FLRT1: variants seen among roughly 807,000 people sequenced by gnomAD.
FLRT1 encodes leucine-rich repeat transmembrane protein FLRT1.
A neutral mutation model predicts 30.9 loss-of-function variants in FLRT1; 14 were observed. The observed-to-expected ratio is 0.45, with a 90% confidence interval of 0.30 to 0.71. The LOEUF (loss-of-function observed/expected upper bound fraction) is 0.71. Ranked by LOEUF, FLRT1 falls within the 30% of genes least tolerant of loss-of-function variation. The probability of loss-of-function intolerance (pLI) is 0.08; values close to 1 mark genes in which losing one functional copy is unlikely to be tolerated. For missense variants in FLRT1, 737 were observed against 949.2 expected (o/e 0.78, Z 2.94); for synonymous variants, 368 against 430.4 (o/e 0.85, Z 1.80).
At chr11:64,056,482 A>G (rs1467648912) in intron 1 of FLRT1, among the ~76,000 whole-genome samples, 7 of 152,210 alleles carry the variant, frequency 4.6e-5, no homozygotes, top group Non-Finnish European at 1.0e-4. Flanking sequence ...AGGAGGCTGT[A>G]CTAGAGAGAA....
chr11:64,042,182 ACT>A (rs1407573297), intron 1 of FLRT1, among the ~76,000 whole-genome samples: 1 of 151,832 alleles, frequency 6.6e-6, no homozygotes, highest in East Asian at 1.9e-4. Flanking sequence ...TCATGCACAC[ACT>A]CTTGCACACA....
intron 1 of FLRT1, among the ~76,000 whole-genome samples, chr11:64,043,607 T>A (rs1486051012): frequency 6.6e-6 from 1 of 152,106 alleles, no homozygotes; most frequent in Non-Finnish European, 1.5e-5. Context: ...GGGGCTCAAA[T>A]GTCACCTTCT....
Position 64,118,266 on chromosome 11 carries a change from C to T in FLRT1, c.1999C>T (p.Pro667Ser), listed in dbSNP as rs771799567. ...TTRGYRDGGI[P>S]DIDYSYT The stretch of plus-strand genomic sequence containing the variant: ...GCGGGGCTACCGGGACGGCGGCATC[C>T]CCGACATAGACTACTCCTACACATG... The change falls in exon 3 of 3, where the codon CCC becomes TCC. Residue 667 changes from proline to serine, a missense_variant. By Grantham distance (74) the Pro-to-Ser change is moderately conservative. Transcript: ENST00000682287. 32 of 1,591,370 alleles carry T rather than the reference C, an allele frequency of 2.0e-5. 1 individual carries two copies. The South Asian group carries it at 3.5e-4, about 17-fold the overall frequency.
intron 1 of FLRT1, among the ~76,000 whole-genome samples, chr11:64,049,240 C>G (rs1021986633): frequency 6.6e-6 from 1 of 152,150 alleles, no homozygotes; most frequent in African/African-American, 2.4e-5. Context: ...TTTGTTAACA[C>G]CCCATTGTGT....
chr11:64,079,701 G>A (rs1447087706), intron 1 of FLRT1, among the ~76,000 whole-genome samples: 1 of 152,116 alleles, frequency 6.6e-6, no homozygotes, highest in Non-Finnish European at 1.5e-5. Context: ...GGAAAGGAAG[G>A]ACTGGGGATT....
chr11:64,041,083 TC>T (rs558424761), intron 1 of FLRT1, among the ~76,000 whole-genome samples: 261 of 151,830 alleles, frequency 1.7e-3, no homozygotes, highest in African/African-American at 5.9e-3. Context: ...TCCTGGCCAT[TC>T]CTGCCCGCGT....
At chr11:64,109,777 G>C (rs1232225539) in intron 2 of FLRT1, among the ~76,000 whole-genome samples, 1 of 152,186 alleles carries the variant, frequency 6.6e-6, no homozygotes, top group African/African-American at 2.4e-5. Flanking sequence ...GCATGGCTTG[G>C]GGGAGGGGCA....
At position 64,103,826 on chromosome 11, in the gene FLRT1, AC is replaced by A. The variant is rs1196406912; in HGVS notation, c.-401del. 6.6e-6 allele frequency: 1 copy of A among 152,244 alleles called. No homozygotes were observed. The highest frequency in any genetic ancestry group is 1.9e-4 in the East Asian group (1 of 5,190). The allele number at this position is 152,244 out of a possible 1,614,324, so 9.4% of individuals were successfully genotyped here. ...CTGGGGTCCAGAGGGGTGTCCCTGT[AC>A]CCCTTGCACACAGGACCCTCACTCT... is the stretch of plus-strand genomic sequence containing the variant. On this transcript the variant is annotated 5_prime_UTR_variant, in exon 2 of 3. An upstream open reading frame in the 5' UTR gains an earlier in-frame stop. Transcript: ENST00000682287.
intron 1 of FLRT1, among the ~76,000 whole-genome samples, chr11:64,048,101 G>A (rs916311777): frequency 3.3e-5 from 5 of 152,174 alleles, no homozygotes; most frequent in Admixed American, 3.3e-4. Context: ...CCTGGCCGGC[G>A]GGAGGCAGTG....
intron 1 of FLRT1, among the ~76,000 whole-genome samples, chr11:64,046,356 T>C (rs754123582): frequency 6.6e-6 from 1 of 152,062 alleles, no homozygotes; most frequent in Non-Finnish European, 1.5e-5. Flanking sequence ...CTTACAGAGG[T>C]GACAAAGGCA....
chr11:64,116,440 G>A lies in FLRT1; in HGVS notation c.173G>A (p.Cys58Tyr). ...GACAGCACCACCTGCCCCTCGGTGT[G>A]CCGCTGCGACAACGGCTTCATCTAC... is the stretch of plus-strand genomic sequence containing the variant. ...VIDSTTCPSVCRCDNGFIYCN... is the reference protein window; with the variant it reads ...VIDSTTCPSVYRCDNGFIYCN... The change falls in exon 3 of 3, where the codon TGC (cysteine) becomes TAC (tyrosine). Residue 58 changes from cysteine (C) to tyrosine (Y), a missense_variant. Physicochemically the swap from Cys to Tyr is radical, Grantham distance 194. Transcript: ENST00000682287. The A allele has an allele frequency of 6.2e-7, 1 of 1,613,976 alleles. No homozygotes were observed. Among genetic ancestry groups the A allele is most frequent in the Non-Finnish European group, 8.5e-7 (1 of 1,180,022 alleles).
intron 1 of FLRT1, among the ~76,000 whole-genome samples, chr11:64,049,921 G>A (rs868520721): frequency 5.3e-5 from 8 of 152,132 alleles, no homozygotes; most frequent in Admixed American, 3.9e-4. Context: ...CTGTGGCCCC[G>A]GGGGGGAGGC....
chr11:64,073,571 G>A (rs1051515757), intron 1 of FLRT1, among the ~76,000 whole-genome samples: 5 of 152,336 alleles, frequency 3.3e-5, no homozygotes, highest in Admixed American at 1.3e-4. Context: ...GTTGCCTGCC[G>A]TGCTGAGGCC....
rs888672707 is a variant in FLRT1, at chr11:64,082,336, G to A, written c.-1037-20858G>A. Among the ~76,000 whole-genome samples, 2 of 152,036 alleles carry A rather than the reference G, an allele frequency of 1.3e-5. No homozygotes were observed. The highest frequency in any genetic ancestry group is 2.9e-5 in the Non-Finnish European group (2 of 67,978). On this transcript the variant is annotated intron_variant, in intron 1 of 2. Coordinates refer to ENST00000682287, the MANE Select transcript of FLRT1 (RefSeq NM_013280.5). This position sits in a 1 kb window ranked among gnomAD's most constrained non-coding sequence, Gnocchi z 4.5. The stretch of plus-strand genomic sequence containing the variant: ...ACGCTGGGTGGAGGATGATCCGGGG[G>A]GACCGTGGAAGGCAGGACGGGGGCC...
At chr11:64,087,424 G>C (rs1016183111) in intron 1 of FLRT1, among the ~76,000 whole-genome samples, 1 of 152,192 alleles carries the variant, frequency 6.6e-6, no homozygotes, top group Non-Finnish European at 1.5e-5. Flanking sequence ...ACTCCGGGGT[G>C]CGTCTGCCTC....
intron 1 of FLRT1, among the ~76,000 whole-genome samples, chr11:64,071,904 AC>A (rs1199280070): frequency 1.3e-5 from 2 of 151,854 alleles, no homozygotes; most frequent in Non-Finnish European, 2.9e-5. Flanking sequence ...TCAAGAAGCA[AC>A]CCCTAATCTG....
intron 1 of FLRT1, chr11:64,060,537 G>A (rs1364321960): frequency 6.6e-6 from 1 of 152,230 alleles, no homozygotes; most frequent in Admixed American, 6.5e-5. Context: ...GCTGTGAGGG[G>A]TACCCAGAGC....
intron 2 of FLRT1, among the ~76,000 whole-genome samples, chr11:64,109,945 G>A (rs1944830059): frequency 1.3e-5 from 2 of 152,132 alleles, no homozygotes; most frequent in African/African-American, 2.4e-5. Context: ...TACTGCAGAA[G>A]CTAGGCCGTG....
rs965596584 is a variant in FLRT1 at position 64,096,001 on chromosome 11, G to A, written c.-1037-7193G>A. Among the ~76,000 whole-genome samples, 2 of 152,154 alleles carry A rather than the reference G, an allele frequency of 1.3e-5. No individual in the cohort carries two copies. Among genetic ancestry groups the A allele is most frequent in the African/African-American group, 2.4e-5 (1 of 41,446 alleles). On this transcript the variant is annotated intron_variant, in intron 1 of 2. Transcript: ENST00000682287. The surrounding 1 kb of genome is among the most constrained non-coding windows in gnomAD (Gnocchi z 4.6). ...CCACCCCCCAGGGGCCCATGAGCCT[G>A]CAGGATATGTCGCGCTGCAGCCAGC... is the stretch of plus-strand genomic sequence containing the variant.
Sources: allele counts gnomAD v4.1 joint callset (sites outside exome capture counted in the v4.1 genomes callset), GRCh38; gene constraint gnomAD v4.1.1; non-coding constraint Gnocchi (gnomAD v3.1); transcripts MANE v1.5; gene names NCBI Gene and HGNC (gene_info 2026-07-23, HGNC 2026-07-21).